The following NXPE2 variants were observed in gnomAD, a reference collection of about 807,000 sequenced individuals.
The protein encoded by NXPE2 is neurexophilin and PC-esterase domain family member 2.
In NXPE2, 34 loss-of-function variants were observed where a neutral mutation model predicts 34.4. That is an observed-to-expected ratio of 0.99 (90% CI 0.75 to 1.31). NXPE2 has a LOEUF of 1.31. Among genes scored for constraint, NXPE2 ranks in the 40% most tolerant of loss-of-function variants. The pLI is 0.00. For missense variants in NXPE2, 649 were observed against 672.5 expected (o/e 0.97, Z 0.39); for synonymous variants, 235 against 231.3 (o/e 1.02, Z -0.15).
At chr11:114,612,435 G>A in the NXPE2 span, among the ~76,000 whole-genome samples, 1 of 151,638 alleles carries the variant, frequency 6.6e-6, no homozygotes, top group Non-Finnish European at 1.5e-5. Context: ...GTTGCCTCGT[G>A]GGTCACCACT....
At chr11:114,647,961 A>G in the NXPE2 span, among the ~76,000 whole-genome samples, 1 of 152,134 alleles carries the variant, frequency 6.6e-6, no homozygotes, top group East Asian at 1.9e-4. Flanking sequence ...TGGCCTCCCA[A>G]AGTTCTGGGA....
At chr11:114,638,882 G>T in the NXPE2 span, among the ~76,000 whole-genome samples, 1 of 151,006 alleles carries the variant, frequency 6.6e-6, no homozygotes, top group South Asian at 2.1e-4. Flanking sequence ...CTACTGGGGG[G>T]TGCCTCCTAG....
At chr11:114,466,492 G>T in the NXPE2 span, among the ~76,000 whole-genome samples, 1 of 151,814 alleles carries the variant, frequency 6.6e-6, no homozygotes, top group Non-Finnish European at 1.5e-5. Flanking sequence ...AATAATTTTT[G>T]GCAATTGGAT....
At chr11:114,603,387 T>A in the NXPE2 span, among the ~76,000 whole-genome samples, 1 of 151,712 alleles carries the variant, frequency 6.6e-6, no homozygotes, top group South Asian at 2.1e-4. Flanking sequence ...TTTCCTCATC[T>A]CCTAGGTAAC....
the NXPE2 span, among the ~76,000 whole-genome samples, chr11:114,748,123 C>T: frequency 6.6e-6 from 1 of 152,174 alleles, no homozygotes; most frequent in Non-Finnish European, 1.5e-5. Context: ...CTCATCTTTA[C>T]GTGCCATACT....
the NXPE2 span, among the ~76,000 whole-genome samples, chr11:114,488,318 C>T: frequency 1.3e-5 from 2 of 152,090 alleles, no homozygotes. Flanking sequence ...TCTAATGATC[C>T]TTTGCATTTG....
At chr11:114,800,833 C>T in the NXPE2 span, among the ~76,000 whole-genome samples, 1 of 129,694 alleles carries the variant, frequency 7.7e-6, no homozygotes, top group Non-Finnish European at 1.7e-5. Context: ...CTGACTAATG[C>T]AAAAATCTTG....
At chr11:114,783,631 T>G in the NXPE2 span, among the ~76,000 whole-genome samples, 3 of 152,362 alleles carry the variant, frequency 2.0e-5, no homozygotes, top group Non-Finnish European at 4.4e-5. Context: ...TGGGGTCCTC[T>G]TTACTCCTTG....
chr11:114,698,973 A>G (rs1164975719), intron 3 of NXPE2, among the ~76,000 whole-genome samples, 195 bp downstream of exon 3: 1 of 152,186 alleles, frequency 6.6e-6, no homozygotes, highest in Non-Finnish European at 1.5e-5. Context: ...ATTTGCTGAC[A>G]GGAGTATAAC....
chr11:114,663,579 TATCTATC>T, the NXPE2 span, among the ~76,000 whole-genome samples: 3 of 147,974 alleles, frequency 2.0e-5, no homozygotes, highest in African/African-American at 7.6e-5. Context: ...CTATCATCTC[TATCTATC>T]ATCTATCTAT....
At chr11:114,808,851 G>A in the NXPE2 span, among the ~76,000 whole-genome samples, 34 of 152,156 alleles carry the variant, frequency 2.2e-4, no homozygotes, top group African/African-American at 8.0e-4. Context: ...TATGAGGCCA[G>A]CAACATCCTG....
At chr11:114,539,200 G>A in the NXPE2 span, among the ~76,000 whole-genome samples, 15 of 150,304 alleles carry the variant, frequency 1.0e-4, no homozygotes, top group East Asian at 7.9e-4. Flanking sequence ...ACCAAATACC[G>A]CATGTTCTCA....
chr11:114,706,336 A>C (rs778568675), intron 5 of NXPE2, 59 bp from the exon 6 acceptor site: 54 of 1,327,370 alleles, frequency 4.1e-5, no homozygotes, highest in Non-Finnish European at 5.3e-5. Context: ...TGTTGTGTGC[A>C]GTTTAAAGTT....
the NXPE2 span, among the ~76,000 whole-genome samples, chr11:114,791,206 G>C: frequency 1.1e-4 from 17 of 151,964 alleles, no homozygotes; most frequent in Admixed American, 1.1e-3. Flanking sequence ...GGTGAGAGAA[G>C]GGTGGAATTG....
chr11:114,808,106 T>C, the NXPE2 span, among the ~76,000 whole-genome samples: 1 of 152,056 alleles, frequency 6.6e-6, no homozygotes, highest in Non-Finnish European at 1.5e-5. Context: ...GGGTAAATAA[T>C]GAAATGAAGG....
the NXPE2 span, among the ~76,000 whole-genome samples, chr11:114,661,851 G>A: frequency 5.0e-4 from 76 of 152,192 alleles, no homozygotes; most frequent in Middle Eastern, 3.2e-3. Context: ...AAAAAATTAA[G>A]ATTCTCTGTA....
chr11:114,804,299 C>A, the NXPE2 span, among the ~76,000 whole-genome samples: 1,005 of 152,290 alleles, frequency 6.6e-3, 8 homozygotes, highest in African/African-American at 0.023. Context: ...CTGGGATTTG[C>A]CAAGGTCTAT....
At chr11:114,712,885 A>G in the NXPE2 span, among the ~76,000 whole-genome samples, 2 of 152,226 alleles carry the variant, frequency 1.3e-5, no homozygotes, top group Non-Finnish European at 2.9e-5. Flanking sequence ...TCAAATGTCC[A>G]TCAACAGGTG....
At chr11:114,712,002 A>G (rs1186742733), downstream of NXPE2, among the ~76,000 whole-genome samples, 7 of 152,174 alleles carry the variant, frequency 4.6e-5, no homozygotes, top group African/African-American at 1.7e-4. Context: ...AGTAGGGAAA[A>G]AAAGAACAGT....
Sources: allele counts gnomAD v4.1 joint callset (sites outside exome capture counted in the v4.1 genomes callset), GRCh38; gene constraint gnomAD v4.1.1; transcripts MANE v1.5; gene names NCBI Gene and HGNC (gene_info 2026-07-23, HGNC 2026-07-21).